TIAM2: variants seen among roughly 807,000 people sequenced by gnomAD.
The protein encoded by TIAM2 is rho guanine nucleotide exchange factor TIAM2.
TIAM2 carries 80 observed loss-of-function variants against 152.9 expected under a neutral mutation model. The ratio of observed to expected loss-of-function variants is 0.52; its 90% CI spans 0.44 to 0.63. The LOEUF (loss-of-function observed/expected upper bound fraction) is 0.63. Ranked by LOEUF, TIAM2 falls within the 30% of genes least tolerant of loss-of-function variation. The pLI, the probability that TIAM2 is intolerant of heterozygous loss-of-function variation, is 0.00. For synonymous variants in TIAM2, 804 were observed against 838.0 expected, an observed-to-expected ratio of 0.96 and a Z score of 0.70; for missense variants, 1,965 against 2,120.1, an observed-to-expected ratio of 0.93 and a Z score of 1.44.
In TIAM2 at chr6:155,254,404, T is replaced by A; in HGVS notation, c.4314-15T>A. The A allele has an allele frequency of 6.2e-7, 1 of 1,603,760 alleles. No homozygotes were observed. The highest frequency in any genetic ancestry group is 2.2e-5 in the East Asian group (1 of 44,648). ...CTGTGGACACTTCTGCTGTTTTCTC[T>A]CCCCCCCCACCCAGTGACAGTGAAA... On this transcript the variant is annotated splice_polypyrimidine_tract_variant and intron_variant, in intron 25 of 26. Transcript: ENST00000682666.
chr6:155,031,672 T>C (rs1306160819), intron 1 of TIAM2, among the ~76,000 whole-genome samples: 1 of 152,094 alleles, frequency 6.6e-6, no homozygotes, highest in Non-Finnish European at 1.5e-5. Flanking sequence ...TGCAGTGAGG[T>C]GAGATCACAC....
intron 1 of TIAM2, among the ~76,000 whole-genome samples, chr6:155,084,476 C>T (rs1247827589): frequency 6.6e-6 from 1 of 152,164 alleles, no homozygotes; most frequent in Non-Finnish European, 1.5e-5. Context: ...TGTGGGACTC[C>T]CAGGAAAGAC....
intron 14 of TIAM2, among the ~76,000 whole-genome samples, chr6:155,195,689 G>T (rs1005323414): frequency 6.6e-6 from 1 of 152,226 alleles, no homozygotes; most frequent in African/African-American, 2.4e-5. Flanking sequence ...GGGAGTAGGG[G>T]CCAGGCTGGT....
intron 15 of TIAM2, among the ~76,000 whole-genome samples, chr6:155,216,092 A>G (rs1376885280): frequency 6.6e-6 from 1 of 152,164 alleles, no homozygotes; most frequent in Non-Finnish European, 1.5e-5. Context: ...TACAGGTGTG[A>G]GTCACCGTAC....
intron 15 of TIAM2, among the ~76,000 whole-genome samples, chr6:155,220,362 T>C (rs941587746): frequency 6.6e-6 from 1 of 152,174 alleles, no homozygotes; most frequent in African/African-American, 2.4e-5. Flanking sequence ...TACACGTATG[T>C]CTAGGAGCAG....
intron 14 of TIAM2, among the ~76,000 whole-genome samples, chr6:155,197,205 C>T (rs1412778868): frequency 1.3e-5 from 2 of 152,242 alleles, no homozygotes; most frequent in African/African-American, 4.8e-5. Context: ...TGATCCTCCA[C>T]ATTTTAACAT....
chr6:155,240,819 G>T (rs1450614461), intron 16 of TIAM2, 110 bp downstream of exon 16: 6 of 1,148,414 alleles, frequency 5.2e-6, no homozygotes, highest in Non-Finnish European at 7.3e-6. Context: ...CACTCCCCAG[G>T]GGGGGACACC....
chr6:155,141,002 T>C (rs1172633228), intron 5 of TIAM2, among the ~76,000 whole-genome samples: 1 of 152,198 alleles, frequency 6.6e-6, no homozygotes, highest in African/African-American at 2.4e-5. Flanking sequence ...GCTTCCTGTA[T>C]TTTATCCCAA....
chr6:155,016,396 A>G (rs771125427), intron 1 of TIAM2: 1 of 152,188 alleles, frequency 6.6e-6, no homozygotes, highest in African/African-American at 2.4e-5. Flanking sequence ...CCATTTTTGT[A>G]GAACATAAAA....
Position 155,104,756 on chromosome 6 carries a change from C to CA in TIAM2, c.-118+14392dup, listed in dbSNP as rs55914919. 9.3e-4 allele frequency among the ~76,000 whole-genome samples: 125 copies of CA among 134,152 alleles called. 2 individuals carry two copies. The highest frequency in any genetic ancestry group is 6.0e-3 in the East Asian group (26 of 4,368). 88.0% of individuals were successfully genotyped at this position (134,152 alleles called of 152,430 possible). ...TGGGCAACAGAGAGAGACTCTGTCT[C>CA]AAAAAAAAAAAAAAATTATAAAGCA... is the stretch of plus-strand genomic sequence containing the variant. On this transcript the variant is annotated intron_variant, in intron 2 of 26. Transcript: ENST00000682666.
intron 6 of TIAM2, among the ~76,000 whole-genome samples, chr6:155,146,166 G>A (rs577387463): frequency 1.3e-5 from 2 of 152,148 alleles, no homozygotes; most frequent in South Asian, 2.1e-4. Flanking sequence ...GGCTTGTGGC[G>A]AGGAGTTTGA....
At chr6:155,149,673 G>A (rs1779902491) in intron 7 of TIAM2, among the ~76,000 whole-genome samples, 1 of 151,914 alleles carries the variant, frequency 6.6e-6, no homozygotes, top group African/African-American at 2.4e-5. Context: ...CTATAATCCC[G>A]GCGCTTTGGG....
chr6:155,144,608 T>G lies in TIAM2; in HGVS notation c.1633T>G (p.Cys545Gly). Residue 545 changes from cysteine to glycine, a missense_variant and splice_region_variant, in exon 6 of 27, where the codon TGC (cysteine) becomes GGC (glycine). This residue lies in a region of TIAM2 where 1,025 missense variants were observed against 1,119.4 expected (regional missense o/e 0.92). Coordinates refer to ENST00000682666, the MANE Select transcript of TIAM2 (RefSeq NM_012454.4). ...TATTTTGCTTCTCTGTTTCACAGGA[T>G]GCACGCTGCTGTTTTATGAGACCTA... ...WKQYWVTLKG[C>G]TLLFYETYGK... 1 of 1,526,162 alleles carries G rather than the reference T, an allele frequency of 6.6e-7. No individual in the cohort carries two copies. Among genetic ancestry groups the G allele is most frequent in the Non-Finnish European group, 8.7e-7 (1 of 1,144,242 alleles). 94.5% of individuals were successfully genotyped at this position (1,526,162 alleles called of 1,614,324 possible). A position where few individuals can be genotyped will look rare whatever the true frequency, so the allele number is the denominator to read the frequency against.
intron 9 of TIAM2, among the ~76,000 whole-genome samples, chr6:155,165,768 A>T (rs1328495685): frequency 2.6e-5 from 4 of 152,144 alleles, no homozygotes; most frequent in Admixed American, 6.5e-5. Context: ...AGCCTGAGTG[A>T]CAGAGCGAGA....
chr6:155,175,326 C>A (rs1780733616), intron 9 of TIAM2, among the ~76,000 whole-genome samples: 1 of 152,154 alleles, frequency 6.6e-6, no homozygotes, highest in South Asian at 2.1e-4. Flanking sequence ...TACGATGTCT[C>A]TTCTAGTTTT....
chr6:155,024,604 T>G (rs1776561169), intron 1 of TIAM2, among the ~76,000 whole-genome samples: 1 of 149,086 alleles, frequency 6.7e-6, no homozygotes, highest in Non-Finnish European at 1.5e-5. Flanking sequence ...TATTGTAGAC[T>G]GAAATCTATA....
In TIAM2 at chr6:155,148,321, C is replaced by T; in HGVS notation, c.2015C>T (p.Ala672Val). Residue 672 changes from alanine (A) to valine (V), a missense_variant, in exon 7 of 27, where the codon GCC becomes GTC. Ala to Val is a moderately conservative substitution (Grantham distance 64). Transcript: ENST00000682666. ...GTGAGCGACCCAAAGAACAGGAAAG[C>T]CATAGAGAACCAGGTACTGTTTGTC... Reference protein sequence around the residue: ...SVVSDPKNRKAIENQIQQWEQ... With the variant: ...SVVSDPKNRKVIENQIQQWEQ... The T allele has an allele frequency of 1.2e-6, 2 of 1,611,674 alleles. No individual in the cohort carries two copies. Among genetic ancestry groups the T allele is most frequent in the Non-Finnish European group, 1.7e-6 (2 of 1,179,814 alleles).
At chr6:155,007,221 C>T (rs924618543) in intron 1 of TIAM2, among the ~76,000 whole-genome samples, 2 of 152,118 alleles carry the variant, frequency 1.3e-5, no homozygotes, top group African/African-American at 4.8e-5. Flanking sequence ...CATGATGCCC[C>T]TTTGCATAGG....
intron 14 of TIAM2, among the ~76,000 whole-genome samples, chr6:155,188,053 A>T (rs1266310259): frequency 6.6e-6 from 1 of 152,150 alleles, no homozygotes; most frequent in Non-Finnish European, 1.5e-5. Flanking sequence ...CTGTTTCCTG[A>T]GGCCTTCTAT....
Sources: gnomAD v4.1 joint callset for allele counts (sites outside exome capture counted in the v4.1 genomes callset) on GRCh38, gnomAD v4.1.1 for gene constraint, gnomAD v4.1.1 regional missense constraint, MANE v1.5 for transcripts, NCBI Gene and HGNC (gene_info 2026-07-23, HGNC 2026-07-21) for gene names.